FOCAD: variants seen among roughly 807,000 people sequenced by gnomAD.
The protein encoded by FOCAD is focadhesin, also known as KIAA1797.
FOCAD carries 198 observed loss-of-function variants against 225.6 expected under a neutral mutation model. The ratio of observed to expected loss-of-function variants is 0.88; its 90% CI spans 0.78 to 0.99. The LOEUF is 0.99. Among genes scored for constraint, FOCAD ranks in the 50% least tolerant of loss-of-function variants. The pLI, the probability that FOCAD is intolerant of heterozygous loss-of-function variation, is 0.00. For synonymous variants in FOCAD, 897 were observed against 755.0 expected (o/e 1.19, Z -3.08); for missense variants, 2,713 against 2,123.6 (o/e 1.28, Z -5.46).
At chr9:20,722,400 A>G (rs772139124) in intron 4 of FOCAD, among the ~76,000 whole-genome samples, 3 of 152,138 alleles carry the variant, frequency 2.0e-5, no homozygotes, top group Non-Finnish European at 4.4e-5. Flanking sequence ...TCTCTGTCTG[A>G]CATCATCTTT....
chr9:20,774,962 A>G (rs62557531), intron 8 of FOCAD, among the ~76,000 whole-genome samples: 7,368 of 152,278 alleles, frequency 0.048, 233 homozygotes, highest in South Asian at 0.12. Flanking sequence ...ATTTGTGAAC[A>G]TATGCTATAG....
chr9:20,802,111 G>C (rs1159713896), intron 11 of FOCAD, among the ~76,000 whole-genome samples: 1 of 152,136 alleles, frequency 6.6e-6, no homozygotes, highest in East Asian at 1.9e-4. Context: ...AGCCAGGCAG[G>C]TAGTTAAGAA....
intron 15 of FOCAD, among the ~76,000 whole-genome samples, chr9:20,832,422 A>T (rs1022935299): frequency 2.6e-5 from 4 of 151,990 alleles, no homozygotes; most frequent in African/African-American, 9.7e-5. Flanking sequence ...TTGTGGGTAT[A>T]TAGTAAGTAT....
At chr9:20,964,231 G>A (rs938684931) in intron 35 of FOCAD, among the ~76,000 whole-genome samples, 1 of 151,970 alleles carries the variant, frequency 6.6e-6, no homozygotes, top group East Asian at 1.9e-4. Context: ...GCCAGGTATG[G>A]TGGTGCACAC....
chr9:20,902,681 T>C (rs1832654848), intron 21 of FOCAD, among the ~76,000 whole-genome samples: 1 of 151,906 alleles, frequency 6.6e-6, no homozygotes, highest in Admixed American at 6.6e-5. Flanking sequence ...AGGAATCAGA[T>C]AGGACTAAAC....
At chr9:20,907,307 A>G (rs1833062876) in intron 22 of FOCAD, 65 bp downstream of exon 22, 5 of 1,324,148 alleles carry the variant, frequency 3.8e-6, no homozygotes, top group Admixed American at 1.8e-5. Flanking sequence ...TTTGCTACAA[A>G]TGTGTATTTA....
chr9:20,982,555 G>C lies in FOCAD; in HGVS notation c.4728+109G>C, dbSNP rs926863681. 3.6e-6 allele frequency: 3 copies of C among 826,582 alleles called. No individual in the cohort carries two copies. In the African/African-American group the frequency reaches 5.1e-5, roughly 14 times the overall value. 51.2% of individuals were successfully genotyped at this position (826,582 alleles called of 1,614,324 possible). A position where few individuals can be genotyped will look rare whatever the true frequency, so the allele number is the denominator to read the frequency against. On this transcript the variant is annotated intron_variant, in intron 39 of 43. Transcript: ENST00000338382. ...CAAGTTTTGCTTCATTTTTGTTATT[G>C]GTTAATTTCAGGAAACTATATTTCA...
intron 39 of FOCAD, among the ~76,000 whole-genome samples, chr9:20,983,147 TAGAAATGTGAGTTCTTGAGCCCC>T (rs1840851887): frequency 6.6e-6 from 1 of 152,210 alleles, no homozygotes; most frequent in African/African-American, 2.4e-5. Context: ...TGGAAATGAT[TAGAAATGTGAGTTCTTGAGCCCC>T]CATCTAGGCC....
intron 11 of FOCAD, among the ~76,000 whole-genome samples, chr9:20,800,253 C>T (rs961336588): frequency 2.6e-5 from 4 of 152,052 alleles, no homozygotes; most frequent in East Asian, 1.9e-4. Context: ...GTGGGTATCC[C>T]GACCTTTCTC....
At chr9:20,974,415 C>T (rs1840051350) in intron 35 of FOCAD, among the ~76,000 whole-genome samples, 1 of 97,508 alleles carries the variant, frequency 1.0e-5, no homozygotes, top group African/African-American at 4.2e-5. Context: ...TCTGCTTCTC[C>T]TTTTCCCTGT....
intron 1 of FOCAD, among the ~76,000 whole-genome samples, chr9:20,688,731 C>A (rs894847815): frequency 6.6e-6 from 1 of 152,120 alleles, no homozygotes; most frequent in African/African-American, 2.4e-5. Context: ...CAGTGGATGT[C>A]TAGAAGATAA....
At position 20,781,792 on chromosome 9, in the gene FOCAD, C is replaced by T. The variant is rs779467991; in HGVS notation, c.1060C>T (p.Pro354Ser). Residue 354 changes from proline to serine, a missense_variant, in exon 10 of 44, where the codon CCA (proline) becomes TCA (serine). Transcript: ENST00000338382. ...IPKSSLLLVM[P>S]ILQILSSTAL... ...AAAGTCCTCTCTGCTGCTAGTGATG[C>T]CAATTCTGCAGATACTATCTTCTAC... 6.2e-7 allele frequency: 1 copy of T among 1,614,054 alleles called. No homozygotes were observed. Among genetic ancestry groups the T allele is most frequent in the Non-Finnish European group, 8.5e-7 (1 of 1,179,990 alleles).
At chr9:20,713,650 T>A (rs1351465185) in intron 1 of FOCAD, among the ~76,000 whole-genome samples, 4 of 152,254 alleles carry the variant, frequency 2.6e-5, no homozygotes, top group Non-Finnish European at 4.4e-5. Flanking sequence ...TTCACTGATA[T>A]AACTCAAGCA....
intron 35 of FOCAD, among the ~76,000 whole-genome samples, chr9:20,974,545 T>A (rs1281363355): frequency 5.2e-5 from 7 of 135,532 alleles, no homozygotes; most frequent in Non-Finnish European, 1.1e-4. Flanking sequence ...TCTGTAGCTG[T>A]TTTTTTCCTG....
At chr9:20,721,081 A>G (rs1035385758) in intron 4 of FOCAD, among the ~76,000 whole-genome samples, 4 of 152,244 alleles carry the variant, frequency 2.6e-5, no homozygotes, top group African/African-American at 4.8e-5. Context: ...TAATAGGACA[A>G]TAAGGAATAA....
At chr9:20,677,148 T>G (rs1237684607) in intron 2 of FOCAD, among the ~76,000 whole-genome samples, 1 of 152,158 alleles carries the variant, frequency 6.6e-6, no homozygotes, top group Non-Finnish European at 1.5e-5. Flanking sequence ...TTAGATGGTG[T>G]TGGGAAAACT....
intron 15 of FOCAD, among the ~76,000 whole-genome samples, chr9:20,839,331 T>A (rs1273698494): frequency 6.6e-6 from 1 of 150,872 alleles, no homozygotes; most frequent in Non-Finnish European, 1.5e-5. Flanking sequence ...CAATCTTGGC[T>A]CACTGCAACC....
chr9:20,710,180 GT>G (rs1343826955), intron 1 of FOCAD, among the ~76,000 whole-genome samples: 1 of 145,716 alleles, frequency 6.9e-6, no homozygotes, highest in East Asian at 2.1e-4. Flanking sequence ...CTTCTGTTGA[GT>G]TAGATTAGAT....
At chr9:20,737,909 A>G (rs187866217) in intron 4 of FOCAD, among the ~76,000 whole-genome samples, 43 of 152,132 alleles carry the variant, frequency 2.8e-4, no homozygotes, top group African/African-American at 9.9e-4. Flanking sequence ...ATACCTAGGT[A>G]TAGGTTCTTG....
Sources: gnomAD v4.1 joint callset for allele counts (sites outside exome capture counted in the v4.1 genomes callset) on GRCh38, gnomAD v4.1.1 for gene constraint, MANE v1.5 for transcripts, NCBI Gene and HGNC (gene_info 2026-07-23, HGNC 2026-07-21) for gene names.